Variants in NCAM2 observed in about 807,000 individuals in gnomAD.
NCAM2 encodes neural cell adhesion molecule 2.
A neutral mutation model predicts 98.1 loss-of-function variants in NCAM2; 30 were observed. That is an observed-to-expected ratio of 0.31 (90% CI 0.23 to 0.41). The LOEUF is 0.41. NCAM2 is among the 10% of genes least tolerant of loss of function. The probability of loss-of-function intolerance (pLI) is 1.00; values close to 1 mark genes in which losing one functional copy is unlikely to be tolerated. For missense variants in NCAM2, 867 were observed against 1,005.8 expected (o/e 0.86, Z 1.87); for synonymous variants, 368 against 342.4 (o/e 1.07, Z -0.83).
At chr21:21,314,358 A>C (rs2074152862) in intron 5 of NCAM2, among the ~76,000 whole-genome samples, 1 of 152,130 alleles carries the variant, frequency 6.6e-6, no homozygotes, top group African/African-American at 2.4e-5. Flanking sequence ...CTGGTCAAAA[A>C]ATTCAGTCAT....
At chr21:21,307,007 G>C (rs1417478389) in intron 5 of NCAM2, among the ~76,000 whole-genome samples, 1 of 152,008 alleles carries the variant, frequency 6.6e-6, no homozygotes, top group Non-Finnish European at 1.5e-5. Context: ...CTATCCATGT[G>C]GTTGCAAATA....
intron 1 of NCAM2, among the ~76,000 whole-genome samples, chr21:21,255,551 C>T (rs141657171): frequency 6.6e-6 from 1 of 152,288 alleles, no homozygotes; most frequent in African/African-American, 2.4e-5. Flanking sequence ...AAAAATCTTT[C>T]AAACTGTTCT....
At chr21:21,030,147 A>G (rs1193720725) in intron 1 of NCAM2, among the ~76,000 whole-genome samples, 1 of 152,214 alleles carries the variant, frequency 6.6e-6, no homozygotes, top group Non-Finnish European at 1.5e-5. Context: ...TTGAACATTT[A>G]CTATGCCAGA....
intron 1 of NCAM2, among the ~76,000 whole-genome samples, chr21:21,045,362 C>T (rs1230956727): frequency 1.3e-5 from 2 of 151,958 alleles, no homozygotes; most frequent in African/African-American, 2.4e-5. Context: ...AGAAACTAGG[C>T]TGGGGTTATG....
At position 21,523,053 on chromosome 21, in the gene NCAM2, A is replaced by G. The variant is rs576705401; in HGVS notation, c.2283-11484A>G. Among the ~76,000 whole-genome samples, 4 of 152,242 alleles carry G rather than the reference A, an allele frequency of 2.6e-5. No individual in the cohort carries two copies. In the South Asian group the frequency reaches 8.3e-4, roughly 32 times the overall value. ...ATTTGTTGTTGTTTGTTGTTTTGCT[A>G]TTGAATTGAGTTCCTTAATATATCC... On this transcript the variant is annotated intron_variant, in intron 16 of 17. Coordinates refer to ENST00000400546, the MANE Select transcript of NCAM2 (RefSeq NM_004540.5).
intron 1 of NCAM2, among the ~76,000 whole-genome samples, chr21:21,085,874 A>T (rs952671139): frequency 6.6e-6 from 1 of 152,200 alleles, no homozygotes; most frequent in Non-Finnish European, 1.5e-5. Flanking sequence ...AACAGCAAGT[A>T]TGATTTTTAA....
At chr21:21,479,608 A>AAAAAAAAAAAAAAAAAAAAAAATT (rs1491473437) in intron 15 of NCAM2, among the ~76,000 whole-genome samples, 3 of 127,916 alleles carry the variant, frequency 2.3e-5, no homozygotes, top group Non-Finnish European at 3.5e-5. Flanking sequence ...AAAAAAAAAA[A>AAAAAAAAAAAAAAAAAAAAAAATT]TTGTTGATGA....
chr21:21,407,073 A>G (rs1259191392), intron 9 of NCAM2, among the ~76,000 whole-genome samples: 1 of 152,156 alleles, frequency 6.6e-6, no homozygotes, highest in African/African-American at 2.4e-5. Flanking sequence ...CTGATTTTGA[A>G]AATGACTATT....
intron 1 of NCAM2, among the ~76,000 whole-genome samples, chr21:21,012,754 C>T (rs1024757081): frequency 8.5e-5 from 13 of 152,068 alleles, no homozygotes; most frequent in Admixed American, 2.0e-4. Context: ...TCAAGCAAAT[C>T]TATCGGCCTC....
intron 6 of NCAM2, among the ~76,000 whole-genome samples, chr21:21,328,279 A>G (rs2074573156): frequency 6.6e-6 from 1 of 152,212 alleles, no homozygotes; most frequent in Non-Finnish European, 1.5e-5. Flanking sequence ...TATTTTATAC[A>G]CTACATAATA....
At chr21:21,347,563 C>T (rs1028838333) in intron 8 of NCAM2, among the ~76,000 whole-genome samples, 1 of 151,946 alleles carries the variant, frequency 6.6e-6, no homozygotes, top group Admixed American at 6.6e-5. Context: ...CTGCTGTATT[C>T]TACCAAACAT....
intron 1 of NCAM2, among the ~76,000 whole-genome samples, chr21:21,239,713 A>G (rs1433491629): frequency 6.6e-6 from 1 of 152,110 alleles, no homozygotes; most frequent in Admixed American, 6.6e-5. Flanking sequence ...TATCATAGTC[A>G]GTCTTTTCAA....
At chr21:21,201,525 T>A (rs2069219854) in intron 1 of NCAM2, among the ~76,000 whole-genome samples, 1 of 152,132 alleles carries the variant, frequency 6.6e-6, no homozygotes, top group Non-Finnish European at 1.5e-5. Context: ...GTTTGTGTAG[T>A]GAATTAATGG....
At chr21:21,348,845 CTG>C (rs1301910274) in intron 8 of NCAM2, among the ~76,000 whole-genome samples, 2 of 151,970 alleles carry the variant, frequency 1.3e-5, no homozygotes, top group Admixed American at 1.3e-4. Flanking sequence ...AAAAGACAGT[CTG>C]TTCAATAAAT....
intron 10 of NCAM2, among the ~76,000 whole-genome samples, chr21:21,413,814 G>A (rs182835511): frequency 1.6e-3 from 245 of 152,278 alleles, no homozygotes; most frequent in Non-Finnish European, 2.6e-3. Flanking sequence ...GGTTGGAGTG[G>A]CTGTGGCAGT....
chr21:21,465,200 ATTTT>A (rs765046923), intron 12 of NCAM2, among the ~76,000 whole-genome samples: 4 of 151,890 alleles, frequency 2.6e-5, no homozygotes, highest in Non-Finnish European at 5.9e-5. Flanking sequence ...ATTTTTATAT[ATTTT>A]TTCTTTTAAT....
At chr21:21,338,711 A>C (rs996029879) in intron 8 of NCAM2, among the ~76,000 whole-genome samples, 177 bp downstream of exon 8, 1 of 152,082 alleles carries the variant, frequency 6.6e-6, no homozygotes, top group East Asian at 1.9e-4. Flanking sequence ...GTGGGAGGGG[A>C]AATGTCAATA....
At position 21,212,925 on chromosome 21, in the gene NCAM2, G is replaced by A. The variant is rs143980246; in HGVS notation, c.56-67653G>A. ...GTGGGGCTAATTTTTTGTATTTTTA[G>A]TAGAGATGGGGTTTCCATGTTAGCC... On this transcript the variant is annotated intron_variant, in intron 1 of 17. Transcript: ENST00000400546. Among the ~76,000 whole-genome samples the A allele has an allele frequency of 9.4e-3, 1,425 of 151,946 alleles. 44 individuals carry two copies. The highest frequency in any genetic ancestry group is 0.061 in the Admixed American group (937 of 15,242).
chr21:21,053,452 A>G (rs6518059), intron 1 of NCAM2, among the ~76,000 whole-genome samples: 128,799 of 151,852 alleles, frequency 0.85, 56,079 homozygotes, highest in Middle Eastern at 0.95. Flanking sequence ...TAACTAGTTT[A>G]ATTAATTTTA....
Sources: allele counts gnomAD v4.1 joint callset (sites outside exome capture counted in the v4.1 genomes callset), GRCh38; gene constraint gnomAD v4.1.1; transcripts MANE v1.5; gene names NCBI Gene and HGNC (gene_info 2026-07-23, HGNC 2026-07-21).